The following SORCS1 variants were observed in gnomAD, a reference collection of about 807,000 sequenced individuals.
SORCS1 encodes the protein sortilin related VPS10 domain containing receptor 1, also known as VPS10 domain-containing receptor SorCS1.
Under a neutral mutation model 146.1 loss-of-function variants are expected in SORCS1, and 60 were observed. That is an observed-to-expected ratio of 0.41 (90% CI 0.33 to 0.51). The LOEUF (loss-of-function observed/expected upper bound fraction) is 0.51, where lower values mean the gene tolerates loss of function less well. Ranked by LOEUF, SORCS1 falls within the 20% of genes least tolerant of loss-of-function variation. The probability of loss-of-function intolerance (pLI) is 0.21; values close to 1 mark genes in which losing one functional copy is unlikely to be tolerated. For missense variants in SORCS1, 1,352 were observed against 1,487.6 expected (o/e 0.91, Z 1.50); for synonymous variants, 637 against 584.0 (o/e 1.09, Z -1.31).
intron 21 of SORCS1, among the ~76,000 whole-genome samples, chr10:106,614,581 C>T (rs1313672608): frequency 4.0e-5 from 6 of 150,648 alleles, no homozygotes; most frequent in Admixed American, 2.0e-4. Flanking sequence ...CCATTAAGTC[C>T]TCACTTCTTG....
chr10:106,705,290 A>G (rs1357223236), intron 8 of SORCS1, among the ~76,000 whole-genome samples: 1 of 152,172 alleles, frequency 6.6e-6, no homozygotes. Flanking sequence ...ATTACCTCTA[A>G]TGGGCTGAGG....
intron 1 of SORCS1, among the ~76,000 whole-genome samples, chr10:107,008,293 T>C (rs1403913837): frequency 6.6e-6 from 1 of 152,226 alleles, no homozygotes; most frequent in Non-Finnish European, 1.5e-5. Flanking sequence ...CAATGTAATT[T>C]ATGCAGTACA....
chr10:106,928,393 G>T (rs1040182215), intron 2 of SORCS1, among the ~76,000 whole-genome samples: 1 of 152,202 alleles, frequency 6.6e-6, no homozygotes, highest in Non-Finnish European at 1.5e-5. Flanking sequence ...CTCCGAGTGC[G>T]GGGCCGCCAA....
intron 18 of SORCS1, among the ~76,000 whole-genome samples, chr10:106,640,431 A>C (rs2133669190): frequency 6.6e-6 from 1 of 152,378 alleles, no homozygotes; most frequent in African/African-American, 2.4e-5. Context: ...ACAATGAGAT[A>C]CAGATCAAAG....
intron 1 of SORCS1, among the ~76,000 whole-genome samples, chr10:107,006,367 A>C (rs911398245): frequency 1.3e-5 from 2 of 152,242 alleles, no homozygotes; most frequent in Non-Finnish European, 2.9e-5. Context: ...GTATTAAATC[A>C]GAGCAACAAG....
intron 1 of SORCS1, among the ~76,000 whole-genome samples, chr10:107,155,644 A>G (rs552340191): frequency 6.6e-6 from 1 of 152,218 alleles, no homozygotes; most frequent in Admixed American, 6.5e-5. Context: ...GGAATTGCTG[A>G]GATAAGGGGA....
chr10:107,073,700 T>A (rs1962636621), intron 1 of SORCS1, among the ~76,000 whole-genome samples: 1 of 152,186 alleles, frequency 6.6e-6, no homozygotes, highest in African/African-American at 2.4e-5. Flanking sequence ...AGGCAGAATT[T>A]GATTCCAAGT....
intron 1 of SORCS1, among the ~76,000 whole-genome samples, chr10:107,024,337 G>A (rs553959995): frequency 1.3e-5 from 2 of 152,104 alleles, no homozygotes; most frequent in African/African-American, 4.8e-5. Flanking sequence ...CATGGCAAGA[G>A]AGGGGGTGAG....
At chr10:106,825,706 A>G (rs1210697464) in intron 3 of SORCS1, among the ~76,000 whole-genome samples, 4 of 152,016 alleles carry the variant, frequency 2.6e-5, no homozygotes, top group Admixed American at 6.6e-5. Context: ...ACCTCTGCTG[A>G]CACAAACAAG....
the SORCS1 span, among the ~76,000 whole-genome samples, chr10:107,177,433 T>C: frequency 6.6e-6 from 1 of 152,300 alleles, no homozygotes; most frequent in African/African-American, 2.4e-5. Flanking sequence ...AGTCACAATA[T>C]GGAACATTCT....
At chr10:106,877,205 G>C (rs1328273555) in intron 2 of SORCS1, among the ~76,000 whole-genome samples, 1 of 152,084 alleles carries the variant, frequency 6.6e-6, no homozygotes, top group Non-Finnish European at 1.5e-5. Flanking sequence ...CAAAAATTCA[G>C]GGATCAAACT....
chr10:106,642,152 A>G (rs949888399), intron 18 of SORCS1, among the ~76,000 whole-genome samples: 5 of 152,218 alleles, frequency 3.3e-5, no homozygotes, highest in African/African-American at 1.2e-4. Flanking sequence ...GACAAAGAAA[A>G]GAGGCTTAGA....
intron 5 of SORCS1, 118 bp downstream of exon 5, chr10:106,761,470 C>G (rs1589822157): frequency 1.2e-6 from 1 of 809,186 alleles, no homozygotes; most frequent in East Asian, 2.6e-5. Context: ...TGGGCATGTC[C>G]CAATAAGAAC....
At chr10:106,695,502 C>A (rs1202785029) in intron 9 of SORCS1, among the ~76,000 whole-genome samples, 1 of 152,126 alleles carries the variant, frequency 6.6e-6, no homozygotes, top group African/African-American at 2.4e-5. Context: ...GGGTTTAGGT[C>A]CTAACTCTGC....
At chr10:107,136,915 T>G (rs1967349362) in intron 1 of SORCS1, among the ~76,000 whole-genome samples, 1 of 152,198 alleles carries the variant, frequency 6.6e-6, no homozygotes, top group Admixed American at 6.5e-5. Flanking sequence ...CACCTAACTC[T>G]ATCTGGGAAC....
At chr10:106,672,000 T>G (rs1300883723) in intron 15 of SORCS1, among the ~76,000 whole-genome samples, 1 of 152,190 alleles carries the variant, frequency 6.6e-6, no homozygotes, top group East Asian at 1.9e-4. Flanking sequence ...CTGAATAGGG[T>G]GGGTGTTTCC....
In SORCS1 at chr10:106,822,802, T is replaced by TTTTTTTTTTTTTTTTTTTTTTTTG. The variant is rs994708912; in HGVS notation, c.726+6771_726+6772insCAAAAAAAAAAAAAAAAAAAAAAA. Among the ~76,000 whole-genome samples, 7 of 140,118 alleles carry TTTTTTTTTTTTTTTTTTTTTTTTG rather than the reference T, an allele frequency of 5.0e-5. 1 individual carries two copies. Among genetic ancestry groups the TTTTTTTTTTTTTTTTTTTTTTTTG allele is most frequent in the African/African-American group, 1.7e-4 (6 of 35,144 alleles). 91.9% of individuals were successfully genotyped at this position (140,118 alleles called of 152,430 possible). On this transcript the variant is annotated intron_variant, in intron 3 of 25. Transcript: ENST00000263054. ...GTGTGGTTTTTTTTTTTTTTTTTTT[T>TTTTTTTTTTTTTTTTTTTTTTTTG]GAATATTGCTCTGTTGTGCCCAGGC...
At chr10:107,106,521 G>T (rs932596057) in intron 1 of SORCS1, among the ~76,000 whole-genome samples, 1 of 152,060 alleles carries the variant, frequency 6.6e-6, no homozygotes, top group African/African-American at 2.4e-5. Context: ...TCTAAATATT[G>T]AATGGCATTA....
intron 18 of SORCS1, among the ~76,000 whole-genome samples, chr10:106,643,512 G>A (rs1849208412): frequency 6.6e-6 from 1 of 152,224 alleles, no homozygotes; most frequent in Admixed American, 6.5e-5. Context: ...GAGGTCCTCA[G>A]GGCCTCCTGA....
Sources: gnomAD v4.1 joint callset for allele counts (sites outside exome capture counted in the v4.1 genomes callset) on GRCh38, gnomAD v4.1.1 for gene constraint, MANE v1.5 for transcripts, NCBI Gene and HGNC (gene_info 2026-07-23, HGNC 2026-07-21) for gene names.